The following COMT variants were observed in gnomAD, a reference collection of about 807,000 sequenced individuals.
The protein encoded by COMT is catechol-O-methyltransferase.
A neutral mutation model predicts 18.9 loss-of-function variants in COMT; 13 were observed. The observed-to-expected ratio is 0.69, with a 90% CI of 0.45 to 1.09. The LOEUF (loss-of-function observed/expected upper bound fraction) is 1.09, where lower values mean the gene tolerates loss of function less well. COMT is among the 50% of genes least tolerant of loss of function. The pLI, the probability that COMT is intolerant of heterozygous loss-of-function variation, is 0.00. For synonymous variants in COMT, 150 were observed against 160.9 expected, an observed-to-expected ratio of 0.93 and a Z score of 0.51; for missense variants, 329 against 361.8, an observed-to-expected ratio of 0.91 and a Z score of 0.73.
Position 19,963,259 on chromosome 22 carries a change from CTG to C in COMT, c.290-303_290-302del. 5 of 548,232 alleles carry C rather than the reference CTG, an allele frequency of 9.1e-6. 1 individual carries two copies. The Middle Eastern group carries it at 1.5e-3, about 160-fold the overall frequency. 34.0% of individuals were successfully genotyped at this position (548,232 alleles called of 1,614,324 possible). A position where few individuals can be genotyped will look rare whatever the true frequency, so the allele number is the denominator to read the frequency against. On this transcript the variant is annotated intron_variant, in intron 3 of 5. Transcript: ENST00000361682. ...GTTCGGTGATTCAGAGAGGGCAGCT[CTG>C]TGTTAGGACACACTGGGGCCAGCCA...
chr22:19,948,001 CCTTCAG>C (rs1369668614), intron 1 of COMT, among the ~76,000 whole-genome samples: 1 of 152,130 alleles, frequency 6.6e-6, no homozygotes, highest in Non-Finnish European at 1.5e-5. Flanking sequence ...TCACCGTGTC[CCTTCAG>C]CTCTTATCAC....
chr22:19,967,093 C>G (rs865813966), intron 5 of COMT: 2 of 1,246,592 alleles, frequency 1.6e-6, no homozygotes. Flanking sequence ...GAGTGGGCCC[C>G]TGGCAGCCTC....
At position 19,968,875 on chromosome 22, in the gene COMT, A is replaced by G. The variant is rs973872583; in HGVS notation, c.*139A>G. ...CCTCGGCCGAGGCCTGCGCCCTGAC[A>G]TGCTAACCTCTCTGAACTGCAACAC... On this transcript the variant is annotated 3_prime_UTR_variant, in exon 6 of 6. Transcript: ENST00000361682. The G allele has an allele frequency of 5.3e-6, 4 of 751,106 alleles. No homozygotes were observed. The highest frequency in any genetic ancestry group is 3.4e-5 in the African/African-American group (2 of 58,338). The allele number at this position is 751,106 out of a possible 1,614,324, so 46.5% of individuals were successfully genotyped here. A position where few individuals can be genotyped will look rare whatever the true frequency, so the allele number is the denominator to read the frequency against.
chr22:19,964,677 G>A (rs1330193572), intron 5 of COMT: 7 of 571,520 alleles, frequency 1.2e-5, no homozygotes, highest in Non-Finnish European at 2.2e-5. Flanking sequence ...CCCCAAGCAA[G>A]CCACTGCTCG....
In COMT at chr22:19,969,770, T is replaced by C. The variant is rs1010103502; in HGVS notation, c.*1034T>C. The C allele has an allele frequency of 3.1e-5, 29 of 927,234 alleles. No individual in the cohort carries two copies. The highest frequency in any genetic ancestry group is 1.2e-4 in the Admixed American group (2 of 16,206). The allele number at this position is 927,234 out of a possible 1,614,324, so 57.4% of individuals were successfully genotyped here. A position where few individuals can be genotyped will look rare whatever the true frequency, so the allele number is the denominator to read the frequency against. Reference sequence around the variant, plus strand: ...ACCCAGGGACCAGAAACAGAGCCTCTGCAGGACACAGCAGATGGGCACCTG... The same window carrying C: ...ACCCAGGGACCAGAAACAGAGCCTCCGCAGGACACAGCAGATGGGCACCTG... On this transcript the variant is annotated 3_prime_UTR_variant, in exon 6 of 6. Transcript: ENST00000361682.
At position 19,962,584 on chromosome 22, in the gene COMT, G is replaced by A. The variant is rs559479480; in HGVS notation, c.58G>A (p.Val20Met). 6.3e-7 allele frequency: 1 copy of A among 1,577,588 alleles called. No homozygotes were observed. Among genetic ancestry groups the A allele is most frequent in the Admixed American group, 1.8e-5 (1 of 54,612 alleles). ...AAVLLGLVLL[V>M]VLLLLLRHWG... is the part of the protein sequence containing the mutation. ...TGTGTTGCTGGGCCTGGTGCTGCTG[G>A]TGGTGCTGCTGCTGCTTCTGAGGCA... Residue 20 changes from valine (V) to methionine (M), a missense_variant, in exon 3 of 6, where the codon GTG becomes ATG. By Grantham distance (21) the Val-to-Met change is conservative (BLOSUM62 1). Coordinates refer to ENST00000361682, the MANE Select transcript of COMT (RefSeq NM_000754.4).
intron 1 of COMT, among the ~76,000 whole-genome samples, chr22:19,942,344 G>C (rs1400159608): frequency 6.6e-6 from 1 of 152,106 alleles, no homozygotes; most frequent in Non-Finnish European, 1.5e-5. Flanking sequence ...CAGGAGGCCT[G>C]GGGGAGGGTC....
chr22:19,942,028 A>G lies in COMT; in HGVS notation c.-92+131A>G, dbSNP rs3788319. The G allele has an allele frequency of 0.51, 194,934 of 383,990 alleles. 50,195 individuals carry two copies. The highest frequency in any genetic ancestry group is 0.57 in the African/African-American group (26,759 of 46,586). The allele number at this position is 383,990 out of a possible 1,614,324, so 23.8% of individuals were successfully genotyped here. ...GTGAAGTGATCTGACGTTGGGTGGG[A>G]GTCTCCGGACTTGGGGTGGGGAATC... On this transcript the variant is annotated intron_variant, in intron 1 of 5. Coordinates refer to ENST00000361682, the MANE Select transcript of COMT (RefSeq NM_000754.4).
At chr22:19,948,082 G>T (rs1020295823) in intron 1 of COMT, among the ~76,000 whole-genome samples, 1 of 152,062 alleles carries the variant, frequency 6.6e-6, no homozygotes, top group Non-Finnish European at 1.5e-5. Context: ...TTGGAATAAA[G>T]AGTAATTGCT....
At position 19,966,300 on chromosome 22, in the gene COMT, G is replaced by A. The variant is rs115408593; in HGVS notation, c.615+2001G>A. Among the ~76,000 whole-genome samples the A allele has an allele frequency of 1.5e-3, 229 of 152,162 alleles. 2 individuals are homozygous for A. The highest frequency in any genetic ancestry group is 4.1e-3 in the African/African-American group (172 of 41,504). ...CCCCTCAGTGGGTTCTGTGAGCATCGGAGGCACGAGGGGTGAGGGGCTCAG... is the reference window on the plus strand; with the variant it reads ...CCCCTCAGTGGGTTCTGTGAGCATCAGAGGCACGAGGGGTGAGGGGCTCAG... On this transcript the variant is annotated intron_variant, in intron 5 of 5. Coordinates refer to ENST00000361682, the MANE Select transcript of COMT (RefSeq NM_000754.4).
At position 19,968,872 on chromosome 22, in the gene COMT, G is replaced by A; in HGVS notation, c.*136G>A. The A allele has an allele frequency of 3.8e-6, 3 of 782,034 alleles. No individual in the cohort carries two copies. The highest frequency in any genetic ancestry group is 6.4e-6 in the Non-Finnish European group (3 of 467,176). 48.4% of individuals were successfully genotyped at this position (782,034 alleles called of 1,614,324 possible). A position where few individuals can be genotyped will look rare whatever the true frequency, so the allele number is the denominator to read the frequency against. On this transcript the variant is annotated 3_prime_UTR_variant, in exon 6 of 6. Coordinates refer to ENST00000361682, the MANE Select transcript of COMT (RefSeq NM_000754.4). ...ACACCTCGGCCGAGGCCTGCGCCCTGACATGCTAACCTCTCTGAACTGCAA... is the reference window on the plus strand; with the variant it reads ...ACACCTCGGCCGAGGCCTGCGCCCTAACATGCTAACCTCTCTGAACTGCAA...
At chr22:19,949,066 C>T (rs1651469392) in intron 1 of COMT, among the ~76,000 whole-genome samples, 1 of 151,154 alleles carries the variant, frequency 6.6e-6, no homozygotes, top group African/African-American at 2.4e-5. Context: ...AATTTCTTTT[C>T]TGCAGACTTT....
At chr22:19,950,819 T>C (rs944259999) in intron 1 of COMT, 2 of 152,202 alleles carry the variant, frequency 1.3e-5, no homozygotes, top group East Asian at 3.9e-4. Flanking sequence ...TTATCCTTGG[T>C]AAAGTCACAT....
chr22:19,942,058 T>G, intron 1 of COMT, 161 bp downstream of exon 1: 3 of 389,964 alleles, frequency 7.7e-6, no homozygotes, highest in East Asian at 4.4e-5. Flanking sequence ...GGAATCTGGA[T>G]GGGAACTGGG....
chr22:19,945,923 C>T (rs1941828651), intron 1 of COMT, among the ~76,000 whole-genome samples: 1 of 152,206 alleles, frequency 6.6e-6, no homozygotes, highest in Non-Finnish European at 1.5e-5. Context: ...CCTCGGCCTC[C>T]CAAAGTACTG....
At chr22:19,945,503 A>T (rs1341019270) in intron 1 of COMT, among the ~76,000 whole-genome samples, 1 of 152,164 alleles carries the variant, frequency 6.6e-6, no homozygotes, top group Non-Finnish European at 1.5e-5. Flanking sequence ...GAAGTTATTC[A>T]ATAACTATAT....
chr22:19,945,994 A>G (rs1338016233), intron 1 of COMT, among the ~76,000 whole-genome samples: 2 of 152,156 alleles, frequency 1.3e-5, no homozygotes, highest in Non-Finnish European at 2.9e-5. Context: ...TAATATTCAG[A>G]AAATAAAACA....
At chr22:19,957,037 G>A (rs165767) in intron 1 of COMT, among the ~76,000 whole-genome samples, 61,768 of 149,444 alleles carry the variant, frequency 0.41, 12,807 homozygotes, top group Non-Finnish European at 0.44. Flanking sequence ...TGCAAGCTCC[G>A]CCTCTGGGGT....
chr22:19,947,076 C>T (rs568400800), intron 1 of COMT, among the ~76,000 whole-genome samples: 1 of 152,056 alleles, frequency 6.6e-6, no homozygotes, highest in South Asian at 2.1e-4. Context: ...CCATCACACC[C>T]AGCTAATTTT....
Sources: gnomAD v4.1 joint callset for allele counts (sites outside exome capture counted in the v4.1 genomes callset) on GRCh38, gnomAD v4.1.1 for gene constraint, MANE v1.5 for transcripts, NCBI Gene and HGNC (gene_info 2026-07-23, HGNC 2026-07-21) for gene names.